NR2F1-AS1: variants seen among roughly 807,000 people sequenced by gnomAD.
NR2F1-AS1 encodes NR2F1 antisense RNA 1.
chr5:93,476,629 TCAGCTG>T (rs1487123785), intron 4 of NR2F1-AS1, among the ~76,000 whole-genome samples: 2 of 152,176 alleles, frequency 1.3e-5, no homozygotes, highest in Non-Finnish European at 2.9e-5. Flanking sequence ...ATCCCATACA[TCAGCTG>T]CTTTTCCTTC....
At chr5:93,554,503 T>C (rs1752304998) in intron 3 of NR2F1-AS1, among the ~76,000 whole-genome samples, 1 of 152,210 alleles carries the variant, frequency 6.6e-6, no homozygotes, top group African/African-American at 2.4e-5. Flanking sequence ...GCTGAGAAGC[T>C]GATAAAATAT....
intron 4 of NR2F1-AS1, among the ~76,000 whole-genome samples, chr5:93,467,148 C>T (rs752900651): frequency 3.9e-5 from 6 of 152,128 alleles, no homozygotes; most frequent in South Asian, 2.1e-4. Context: ...GTGATCCATC[C>T]GCCTTGGCCT....
chr5:93,438,151 C>T (rs953516789), intron 4 of NR2F1-AS1, among the ~76,000 whole-genome samples: 2 of 152,170 alleles, frequency 1.3e-5, no homozygotes, highest in Non-Finnish European at 2.9e-5. Flanking sequence ...GGGCCTCACT[C>T]TGTATCATGG....
At chr5:93,488,689 G>A (rs1257956791) in intron 4 of NR2F1-AS1, among the ~76,000 whole-genome samples, 2 of 152,208 alleles carry the variant, frequency 1.3e-5, no homozygotes, top group African/African-American at 4.8e-5. Flanking sequence ...GGACAGTGTG[G>A]CAGTTCCTCA....
At chr5:93,573,544 A>G (rs1580346589) in intron 1 of NR2F1-AS1, among the ~76,000 whole-genome samples, 2 of 152,210 alleles carry the variant, frequency 1.3e-5, no homozygotes, top group East Asian at 3.8e-4. Flanking sequence ...CACTGCAGTG[A>G]CAGGGCTTTC....
At chr5:93,534,367 C>G (rs1751796667) in intron 4 of NR2F1-AS1, among the ~76,000 whole-genome samples, 1 of 152,066 alleles carries the variant, frequency 6.6e-6, no homozygotes. Context: ...TTATATTTTT[C>G]TTACTATAAT....
chr5:93,535,204 A>T (rs1464513838), intron 4 of NR2F1-AS1, among the ~76,000 whole-genome samples: 1 of 152,068 alleles, frequency 6.6e-6, no homozygotes, highest in East Asian at 1.9e-4. Context: ...TCTGTGACAA[A>T]GCTCTCTCTT....
At chr5:93,468,582 A>C (rs6880843) in intron 4 of NR2F1-AS1, among the ~76,000 whole-genome samples, 26,195 of 151,886 alleles carry the variant, frequency 0.17, 3,516 homozygotes, top group African/African-American at 0.38. Context: ...AAAATTTTCT[A>C]CCATTCTGTA....
upstream of NR2F1-AS1, chr5:93,585,544 T>C (rs868051580): frequency 3.0e-5 from 43 of 1,424,316 alleles, no homozygotes; most frequent in Middle Eastern, 7.6e-4. Context: ...TGGCTCTTTC[T>C]TTCTTTCTCG....
intron 4 of NR2F1-AS1, among the ~76,000 whole-genome samples, chr5:93,525,639 A>G (rs1751597514): frequency 6.6e-6 from 1 of 152,206 alleles, no homozygotes; most frequent in African/African-American, 2.4e-5. Context: ...AAAAGAACAG[A>G]AAACATAACA....
At chr5:93,456,087 A>T (rs1337691139) in intron 4 of NR2F1-AS1, among the ~76,000 whole-genome samples, 1 of 152,208 alleles carries the variant, frequency 6.6e-6, no homozygotes, top group Non-Finnish European at 1.5e-5. Context: ...ATCCTAGAGA[A>T]AAAAATAATA....
At chr5:93,487,181 C>T (rs1356263639) in intron 4 of NR2F1-AS1, among the ~76,000 whole-genome samples, 4 of 151,998 alleles carry the variant, frequency 2.6e-5, no homozygotes, top group Admixed American at 6.6e-5. Context: ...CTTGGAAAAT[C>T]GGCACAAGAT....
chr5:93,486,035 T>C (rs1486784828), intron 4 of NR2F1-AS1, among the ~76,000 whole-genome samples: 2 of 129,870 alleles, frequency 1.5e-5, no homozygotes, highest in African/African-American at 2.9e-5. Context: ...ACACCGCATA[T>C]TCTCACTCAT....
chr5:93,570,318 C>T (rs1019213996), intron 1 of NR2F1-AS1: 1 of 152,378 alleles, frequency 6.6e-6, no homozygotes, highest in African/African-American at 2.4e-5. Context: ...AGCAGCCCAC[C>T]ACCTGAAGAG....
chr5:93,456,738 G>A (rs1028331178), intron 4 of NR2F1-AS1, among the ~76,000 whole-genome samples: 3 of 151,692 alleles, frequency 2.0e-5, no homozygotes, highest in Admixed American at 6.6e-5. Context: ...CGCCGGCACC[G>A]GTCTCTGAGT....
intron 4 of NR2F1-AS1, among the ~76,000 whole-genome samples, chr5:93,490,923 G>C (rs1750827754): frequency 6.7e-6 from 1 of 150,024 alleles, no homozygotes. Flanking sequence ...GATGGGAGTG[G>C]TGGTGATGGT....
intron 4 of NR2F1-AS1, among the ~76,000 whole-genome samples, chr5:93,493,161 C>A (rs1413956109): frequency 2.6e-5 from 4 of 151,992 alleles, no homozygotes; most frequent in Non-Finnish European, 4.4e-5. Flanking sequence ...CCACAAAAAA[C>A]CTACTAGTGC....
At chr5:93,477,649 A>G (rs1750513087) in intron 4 of NR2F1-AS1, among the ~76,000 whole-genome samples, 1 of 152,216 alleles carries the variant, frequency 6.6e-6, no homozygotes, top group Non-Finnish European at 1.5e-5. Context: ...TAAAAGATGA[A>G]ATTTGCTATC....
At position 93,495,320 on chromosome 5, in the gene NR2F1-AS1, T is replaced by C. The variant is rs552690605; in HGVS notation, n.638+58441A>G. 4.6e-5 allele frequency among the ~76,000 whole-genome samples: 7 copies of C among 152,308 alleles called. No homozygotes were observed. The South Asian group carries it at 1.2e-3, about 27-fold the overall frequency. On this transcript the variant is annotated intron_variant and non_coding_transcript_variant, in intron 4 of 5. Transcript: ENST00000660523. ...TATTCTGTTTTATTTTAGTCTCTTGTCTGATGCTTGATTTTTGTCTTTTCT... is the reference window on the plus strand; with the variant it reads ...TATTCTGTTTTATTTTAGTCTCTTGCCTGATGCTTGATTTTTGTCTTTTCT...
Sources: allele counts gnomAD v4.1 joint callset (sites outside exome capture counted in the v4.1 genomes callset), GRCh38; gene constraint gnomAD v4.1.1; transcripts MANE v1.5; gene names NCBI Gene and HGNC (gene_info 2026-07-23, HGNC 2026-07-21).